Variants in MYO5B observed in about 807,000 individuals in gnomAD.
The protein encoded by MYO5B is unconventional myosin-Vb.
A neutral mutation model predicts 229.3 loss-of-function variants in MYO5B; 143 were observed. That is an observed-to-expected ratio of 0.62 (90% CI 0.54 to 0.72). MYO5B has a LOEUF of 0.72. Among genes scored for constraint, MYO5B ranks in the 30% least tolerant of loss-of-function variants. The pLI is 0.00. For missense variants in MYO5B, 2,321 were observed against 2,331.0 expected (o/e 1.00, Z 0.09); for synonymous variants, 918 against 885.2 (o/e 1.04, Z -0.66).
At chr18:50,164,619 T>A (rs1568130196) in intron 1 of MYO5B, among the ~76,000 whole-genome samples, 1 of 152,066 alleles carries the variant, frequency 6.6e-6, no homozygotes, top group Non-Finnish European at 1.5e-5. Context: ...TCAGGATACA[T>A]GTGCAAGATG....
In MYO5B at chr18:49,992,374, T is replaced by G; in HGVS notation, c.670A>C (p.Ile224Leu). The G allele has an allele frequency of 6.2e-7, 1 of 1,614,178 alleles. No individual in the cohort carries two copies. The highest frequency in any genetic ancestry group is 8.5e-7 in the Non-Finnish European group (1 of 1,180,032). ...TACCTTTTGTCAAAGCCAATCTGGA[T>G]GTACTTGCCAAAACGGCTGCTGTTG... ...NDNSSRFGKYIQIGFDKRYHI... is the reference protein window; with the variant it reads ...NDNSSRFGKYLQIGFDKRYHI... Residue 224 changes from isoleucine (I) to leucine (L), a missense_variant, in exon 6 of 40, where the codon ATC (isoleucine) becomes CTC (leucine). Around this residue, in one of 2 missense-constraint regions of MYO5B, gnomAD observed 2,113 missense variants for 2,044.7 expected, o/e 1.03. Transcript: ENST00000285039.
chr18:50,001,599 A>G (rs530177845), intron 4 of MYO5B, among the ~76,000 whole-genome samples, 188 bp from the exon 5 acceptor site: 8 of 152,282 alleles, frequency 5.3e-5, no homozygotes, highest in African/African-American at 1.9e-4. Context: ...AAGCAGGAGG[A>G]AGAAAGCAAT....
At chr18:50,043,655 G>GTAAATATATAAAATATATTTA (rs1181311072) in intron 2 of MYO5B, among the ~76,000 whole-genome samples, 2 of 133,422 alleles carry the variant, frequency 1.5e-5, no homozygotes, top group Admixed American at 1.7e-4. Flanking sequence ...TTATAAATAT[G>GTAAATATATAAAATATATTTA]TAAATATATA....
At chr18:49,932,074 CCTA>C (rs1168510081) in intron 16 of MYO5B, among the ~76,000 whole-genome samples, 3 of 152,186 alleles carry the variant, frequency 2.0e-5, no homozygotes, top group African/African-American at 7.2e-5. Flanking sequence ...TCCAGGACCT[CCTA>C]CTGTTTCCTC....
chr18:49,976,716 G>A (rs2025755101), intron 9 of MYO5B, among the ~76,000 whole-genome samples: 1 of 152,190 alleles, frequency 6.6e-6, no homozygotes, highest in African/African-American at 2.4e-5. Context: ...CCGGGTGGGT[G>A]TGGAGAAGCC....
chr18:50,156,213 A>C (rs1210145161), intron 1 of MYO5B, among the ~76,000 whole-genome samples: 1 of 152,098 alleles, frequency 6.6e-6, no homozygotes, highest in Non-Finnish European at 1.5e-5. Context: ...CACACTCAAC[A>C]CCTCTCCTAT....
intron 22 of MYO5B, among the ~76,000 whole-genome samples, chr18:49,890,488 A>G (rs954372633): frequency 6.6e-6 from 1 of 152,204 alleles, no homozygotes; most frequent in Non-Finnish European, 1.5e-5. Context: ...TCCTGTATCT[A>G]TGAGGCTAAT....
chr18:49,888,104 G>A (rs1363415561), intron 22 of MYO5B, among the ~76,000 whole-genome samples: 5 of 152,160 alleles, frequency 3.3e-5, no homozygotes, highest in African/African-American at 9.7e-5. Context: ...AATAAGGGCT[G>A]TAGCAGCTTC....
In MYO5B at chr18:50,136,701, C is replaced by T. The variant is rs544202900; in HGVS notation, c.27+58066G>A. ...AAGGCATCTGGGTTCAAATCTTAAC[C>T]CTGCCACTTAGTGGCTCTTTAGTAA... On this transcript the variant is annotated intron_variant, in intron 1 of 39. Coordinates refer to ENST00000285039, the MANE Select transcript of MYO5B (RefSeq NM_001080467.3). 2.6e-5 allele frequency among the ~76,000 whole-genome samples: 4 copies of T among 152,266 alleles called. No homozygotes were observed. In the East Asian group the frequency reaches 5.8e-4, roughly 22 times the overall value.
At chr18:50,108,813 T>C (rs996648735) in intron 1 of MYO5B, among the ~76,000 whole-genome samples, 2 of 152,224 alleles carry the variant, frequency 1.3e-5, no homozygotes, top group Non-Finnish European at 2.9e-5. Context: ...CTGATTATCT[T>C]TCCCCAGCCA....
intron 17 of MYO5B, among the ~76,000 whole-genome samples, chr18:49,927,672 T>A (rs1598887906): frequency 6.6e-6 from 1 of 152,196 alleles, no homozygotes; most frequent in African/African-American, 2.4e-5. Context: ...TAAATGGGGC[T>A]GGGATAATTG....
chr18:49,961,512 G>T (rs1051104656), intron 12 of MYO5B, among the ~76,000 whole-genome samples: 2 of 152,250 alleles, frequency 1.3e-5, no homozygotes, highest in South Asian at 4.1e-4. Flanking sequence ...TGGGAGAGCA[G>T]AAAGTAAAAG....
At position 50,168,860 on chromosome 18, in the gene MYO5B, A is replaced by C. The variant is rs556766565; in HGVS notation, c.27+25907T>G. On this transcript the variant is annotated intron_variant, in intron 1 of 39. Transcript: ENST00000285039. ...TCTGTGTAAGCAGCATTCAGATCGG[A>C]AGTTACATTATCAGCATCCCAGAAG... 1.8e-4 allele frequency among the ~76,000 whole-genome samples: 23 copies of C among 128,352 alleles called. 6 individuals are homozygous for C. Among genetic ancestry groups the C allele is most frequent in the Admixed American group, 6.7e-4 (8 of 12,016 alleles). The allele number at this position is 128,352 out of a possible 152,430, so 84.2% of individuals were successfully genotyped here. A position where few individuals can be genotyped will look rare whatever the true frequency, so the allele number is the denominator to read the frequency against.
chr18:49,875,927 C>T, intron 25 of MYO5B, 100 bp from the exon 26 acceptor site: 2 of 1,334,820 alleles, frequency 1.5e-6, no homozygotes, highest in East Asian at 2.3e-5. Flanking sequence ...CCATCTGTCT[C>T]CTCTCTCCTC....
intron 29 of MYO5B, among the ~76,000 whole-genome samples, chr18:49,859,710 C>G (rs1439080525): frequency 6.6e-6 from 1 of 152,122 alleles, no homozygotes; most frequent in African/African-American, 2.4e-5. Context: ...AACTCAGGAC[C>G]AGCAGAACTT....
chr18:50,144,330 GC>G (rs962555864), intron 1 of MYO5B, among the ~76,000 whole-genome samples: 4 of 152,144 alleles, frequency 2.6e-5, no homozygotes, highest in African/African-American at 9.7e-5. Flanking sequence ...ACTCAAGACT[GC>G]CTTGTATGGA....
intron 1 of MYO5B, among the ~76,000 whole-genome samples, chr18:50,134,585 TAAATAA>T (rs1287038892): frequency 6.7e-6 from 1 of 150,072 alleles, no homozygotes; most frequent in Non-Finnish European, 1.5e-5. Context: ...AATAAATAAA[TAAATAA>T]ATAAATAAAT....
intron 1 of MYO5B, among the ~76,000 whole-genome samples, chr18:50,155,920 CAAGA>C (rs2032671441): frequency 6.6e-6 from 1 of 152,190 alleles, no homozygotes; most frequent in Admixed American, 6.5e-5. Flanking sequence ...ACTAATAGGT[CAAGA>C]AGATGAACTA....
chr18:49,886,920 G>C (rs1351993884), intron 22 of MYO5B, among the ~76,000 whole-genome samples: 1 of 152,174 alleles, frequency 6.6e-6, no homozygotes, highest in Non-Finnish European at 1.5e-5. Flanking sequence ...TACCAAATGA[G>C]ATAGACTGAC....
Sources: allele counts gnomAD v4.1 joint callset (sites outside exome capture counted in the v4.1 genomes callset), GRCh38; gene constraint gnomAD v4.1.1; regional missense constraint gnomAD v4.1.1; transcripts MANE v1.5; gene names NCBI Gene and HGNC (gene_info 2026-07-23, HGNC 2026-07-21).